LRRC7: variants seen among roughly 807,000 people sequenced by gnomAD.
The protein encoded by LRRC7 is leucine rich repeat containing 7, also known as leucine-rich repeat-containing protein 7.
Under a neutral mutation model 175.7 loss-of-function variants are expected in LRRC7, and 23 were observed. The observed-to-expected ratio is 0.13, with a 90% CI of 0.09 to 0.19. LRRC7 has a LOEUF of 0.19. LRRC7 is among the 10% of genes least tolerant of loss of function. LRRC7 has a pLI of 1.00. For synonymous variants in LRRC7, 685 were observed against 680.9 expected (o/e 1.01, Z -0.09); for missense variants, 1,354 against 1,904.7 (o/e 0.71, Z 5.38).
intron 22 of LRRC7, among the ~76,000 whole-genome samples, chr1:70,047,214 TC>T (rs1660397175): frequency 6.6e-6 from 1 of 152,178 alleles, no homozygotes; most frequent in Non-Finnish European, 1.5e-5. Flanking sequence ...TGAAGCTGTC[TC>T]TTTTATTCAT....
rs1666409690 is a variant in LRRC7, at chr1:70,125,614, A to C, written c.*3727A>C. 6.6e-6 allele frequency among the ~76,000 whole-genome samples: 1 copy of C among 151,750 alleles called. No homozygotes were observed. The highest frequency in any genetic ancestry group is 1.5e-5 in the Non-Finnish European group (1 of 67,942). On this transcript the variant is annotated 3_prime_UTR_variant, in exon 27 of 27. Transcript: ENST00000651989. Reference sequence around the variant, plus strand: ...GAGACCATCCCAGCTAAAACGGTGAAACCCCGTCTCTACTAAAAATACAAA... The same window carrying C: ...GAGACCATCCCAGCTAAAACGGTGACACCCCGTCTCTACTAAAAATACAAA...
chr1:69,776,566 C>G (rs1672833413), intron 3 of LRRC7, among the ~76,000 whole-genome samples: 1 of 152,154 alleles, frequency 6.6e-6, no homozygotes, highest in African/African-American at 2.4e-5. Context: ...GAACCTGAAA[C>G]AGCACTAAGA....
rs1652431205 is a variant in LRRC7, at chr1:69,973,081, A to G, written c.712-7298A>G. 1.4e-5 allele frequency among the ~76,000 whole-genome samples: 2 copies of G among 147,380 alleles called. 1 individual carries two copies. Among genetic ancestry groups the G allele is most frequent in the East Asian group, 3.9e-4 (2 of 5,138 alleles). ...TATATATAAAGTACCATATATATAT[A>G]TATAAAAAAATACTACTCAGCCATA... On this transcript the variant is annotated intron_variant, in intron 8 of 26. Coordinates refer to ENST00000651989, the MANE Select transcript of LRRC7 (RefSeq NM_001370785.2).
intron 1 of LRRC7, among the ~76,000 whole-genome samples, chr1:69,653,894 A>G (rs1656224198): frequency 6.6e-6 from 1 of 152,076 alleles, no homozygotes; most frequent in Admixed American, 6.6e-5. Context: ...TACTTATGTG[A>G]GGTATCTAAA....
chr1:69,924,430 C>T (rs1182894446), intron 7 of LRRC7, among the ~76,000 whole-genome samples: 1 of 152,206 alleles, frequency 6.6e-6, no homozygotes, highest in Non-Finnish European at 1.5e-5. Context: ...TCTTCCTACC[C>T]ATGAGCATAG....
chr1:69,846,251 A>G (rs182838435), intron 7 of LRRC7, among the ~76,000 whole-genome samples: 1 of 152,100 alleles, frequency 6.6e-6, no homozygotes, highest in Non-Finnish European at 1.5e-5. Context: ...TTGTGAACGA[A>G]TTGTATTTAT....
chr1:70,109,584 A>G (rs964369989), intron 26 of LRRC7, among the ~76,000 whole-genome samples: 4 of 152,196 alleles, frequency 2.6e-5, no homozygotes, highest in Non-Finnish European at 5.9e-5. Flanking sequence ...TGGAAGTTCT[A>G]TATTTTTGGA....
intron 7 of LRRC7, chr1:69,874,497 G>T (rs752137996): frequency 2.0e-5 from 3 of 152,102 alleles, no homozygotes; most frequent in Non-Finnish European, 4.4e-5. Context: ...CAATGATTGT[G>T]TTGGAGCTAT....
intron 3 of LRRC7, among the ~76,000 whole-genome samples, chr1:69,786,915 C>G (rs1674516217): frequency 3.9e-5 from 6 of 152,178 alleles, no homozygotes. Flanking sequence ...AGTCTTAACT[C>G]ATTTCAGCAT....
intron 7 of LRRC7, among the ~76,000 whole-genome samples, chr1:69,841,629 T>C (rs1257704922): frequency 6.6e-6 from 1 of 152,122 alleles, no homozygotes; most frequent in Non-Finnish European, 1.5e-5. Flanking sequence ...ATTTTCATCA[T>C]AGCACTTACC....
intron 2 of LRRC7, among the ~76,000 whole-genome samples, chr1:69,682,815 T>A (rs1660665620): frequency 6.6e-6 from 1 of 152,126 alleles, no homozygotes; most frequent in Admixed American, 6.6e-5. Flanking sequence ...ACTTTCCTGA[T>A]TTTTCTATAG....
At chr1:69,823,632 T>C (rs1393916178) in intron 4 of LRRC7, among the ~76,000 whole-genome samples, 1 of 152,144 alleles carries the variant, frequency 6.6e-6, no homozygotes, top group African/African-American at 2.4e-5. Context: ...GCACACTAAT[T>C]CTTTTTCCTG....
At chr1:69,809,096 C>T (rs140530241) in intron 4 of LRRC7, among the ~76,000 whole-genome samples, 1 of 152,154 alleles carries the variant, frequency 6.6e-6, no homozygotes, top group East Asian at 1.9e-4. Flanking sequence ...GGGGGTATCA[C>T]CACTGACCCC....
chr1:70,089,898 C>A, intron 25 of LRRC7, 79 bp downstream of exon 25: 1 of 1,102,522 alleles, frequency 9.1e-7, no homozygotes, highest in Non-Finnish European at 1.3e-6. Context: ...GAAAAAAATT[C>A]AAGTGTTTTT....
chr1:70,087,288 T>C (rs902768145), intron 24 of LRRC7, among the ~76,000 whole-genome samples: 9 of 152,268 alleles, frequency 5.9e-5, no homozygotes, highest in African/African-American at 2.2e-4. Flanking sequence ...ACCTGTTACA[T>C]TTGTTTCCTT....
intron 20 of LRRC7, among the ~76,000 whole-genome samples, chr1:70,037,333 G>T (rs907669533): frequency 6.6e-6 from 1 of 152,132 alleles, no homozygotes; most frequent in African/African-American, 2.4e-5. Flanking sequence ...AGTAATTCAT[G>T]AGTAACTTTT....
chr1:70,129,787 C>T lies in LRRC7; in HGVS notation c.*7900C>T, dbSNP rs1026173704. On this transcript the variant is annotated 3_prime_UTR_variant, in exon 27 of 27. Transcript: ENST00000651989. ...ACTGTTTGCATGAGATTGGATCACA[C>T]ATACCATGTATCATCAACATCTATT... Among the ~76,000 whole-genome samples the T allele has an allele frequency of 6.6e-6, 1 of 152,238 alleles. No homozygotes were observed. Among genetic ancestry groups the T allele is most frequent in the African/African-American group, 2.4e-5 (1 of 41,464 alleles).
chr1:70,063,404 T>A (rs1661726331), intron 23 of LRRC7, among the ~76,000 whole-genome samples: 1 of 151,978 alleles, frequency 6.6e-6, no homozygotes, highest in Non-Finnish European at 1.5e-5. Flanking sequence ...ATGTTCCGGG[T>A]TGAATATGTG....
rs1176872524 is a variant in LRRC7, at chr1:70,142,824, G to A, written c.*20937G>A. Reference sequence around the variant, plus strand: ...ATATTAAACTAACATAAGCAATTCTGAAGGAAGACAGTGGTAGGTTTTCAG... The same window carrying A: ...ATATTAAACTAACATAAGCAATTCTAAAGGAAGACAGTGGTAGGTTTTCAG... On this transcript the variant is annotated 3_prime_UTR_variant, in exon 27 of 27. Transcript: ENST00000651989. The A allele has an allele frequency of 1.3e-5, 2 of 152,000 alleles. No individual in the cohort carries two copies. Among genetic ancestry groups the A allele is most frequent in the African/African-American group, 4.8e-5 (2 of 41,410 alleles). 9.4% of individuals were successfully genotyped at this position (152,000 alleles called of 1,614,324 possible).
Sources: allele counts gnomAD v4.1 joint callset (sites outside exome capture counted in the v4.1 genomes callset), GRCh38; gene constraint gnomAD v4.1.1; transcripts MANE v1.5; gene names NCBI Gene and HGNC (gene_info 2026-07-23, HGNC 2026-07-21).